The following RIMS2 variants were observed in gnomAD, a reference collection of about 807,000 sequenced individuals.
RIMS2 encodes regulating synaptic membrane exocytosis 2.
RIMS2 carries 59 observed loss-of-function variants against 174.4 expected under a neutral mutation model. That is an observed-to-expected ratio of 0.34 (90% confidence interval 0.27 to 0.42). The LOEUF (loss-of-function observed/expected upper bound fraction) is 0.42. Among genes scored for constraint, RIMS2 ranks in the 10% least tolerant of loss-of-function variants. The pLI is 1.00. For synonymous variants in RIMS2, 606 were observed against 572.5 expected, an observed-to-expected ratio of 1.06 and a Z score of -0.84; for missense variants, 1,620 against 1,666.3, an observed-to-expected ratio of 0.97 and a Z score of 0.48.
chr8:104,211,946 T>A (rs1345944878), intron 19 of RIMS2, among the ~76,000 whole-genome samples: 1 of 152,134 alleles, frequency 6.6e-6, no homozygotes, highest in Admixed American at 6.5e-5. Flanking sequence ...TCGACAGAAT[T>A]TTATGATGAT....
At chr8:103,990,385 G>A (rs954421589) in intron 17 of RIMS2, among the ~76,000 whole-genome samples, 1 of 151,950 alleles carries the variant, frequency 6.6e-6, no homozygotes, top group Non-Finnish European at 1.5e-5. Context: ...ACAAGTATTG[G>A]CTTTTGTGCC....
chr8:103,863,897 T>G (rs1467075848), intron 3 of RIMS2, among the ~76,000 whole-genome samples: 17 of 122,094 alleles, frequency 1.4e-4, no homozygotes, highest in African/African-American at 6.2e-4. Context: ...GTTTTTTTTT[T>G]TGTTTTTTTT....
chr8:104,179,285 A>G (rs1450704200), intron 19 of RIMS2, among the ~76,000 whole-genome samples: 1 of 152,098 alleles, frequency 6.6e-6, no homozygotes, highest in East Asian at 1.9e-4. Flanking sequence ...ATAGTTTGGT[A>G]ATAGCAACTG....
Position 103,666,177 on chromosome 8 carries a change from A to C in RIMS2, c.177-30909A>C, listed in dbSNP as rs547150279. 2.6e-5 allele frequency among the ~76,000 whole-genome samples: 4 copies of C among 152,364 alleles called. No homozygotes were observed. The South Asian group carries it at 8.3e-4, about 32-fold the overall frequency. On this transcript the variant is annotated intron_variant, in intron 1 of 23. Transcript: ENST00000504942. ...TGTACAGAAAATGAAAATGAGGTAC[A>C]GGAATAGCTGGATGTGTTGCAGTTC...
At chr8:103,957,077 G>A (rs1317870860) in intron 14 of RIMS2, among the ~76,000 whole-genome samples, 3 of 152,114 alleles carry the variant, frequency 2.0e-5, no homozygotes, top group Admixed American at 1.3e-4. Context: ...TTAGAATGGC[G>A]ATCATTAAAA....
rs1448093582 is a variant in RIMS2, at chr8:103,559,082, C to G, written c.176+58020C>G. ...TTTTTTTTTTTTGCTCTCTGATCATCCTTATTTGGTCTATTTTGGTATCAA... is the reference window on the plus strand; with the variant it reads ...TTTTTTTTTTTTGCTCTCTGATCATGCTTATTTGGTCTATTTTGGTATCAA... On this transcript the variant is annotated intron_variant, in intron 1 of 23. Coordinates refer to ENST00000504942, the Ensembl canonical transcript of RIMS2. The G allele has an allele frequency of 5.4e-5, 2 of 37,294 alleles. 1 individual carries two copies. Among genetic ancestry groups the G allele is most frequent in the African/African-American group, 2.6e-4 (2 of 7,782 alleles). The allele number at this position is 37,294 out of a possible 1,614,324, so 2.3% of individuals were successfully genotyped here.
intron 1 of RIMS2, 99 bp downstream of exon 1, chr8:103,501,161 T>G: frequency 2.1e-6 from 2 of 947,706 alleles, no homozygotes; most frequent in African/African-American, 1.7e-5. Flanking sequence ...CCGCCCTCCC[T>G]CCCGCTGGCG....
intron 19 of RIMS2, among the ~76,000 whole-genome samples, chr8:104,208,718 A>C (rs1478331376): frequency 6.6e-6 from 1 of 152,220 alleles, no homozygotes. Context: ...GTGGGATAAT[A>C]AAGAAGGAAA....
intron 15 of RIMS2, among the ~76,000 whole-genome samples, chr8:103,966,959 C>A (rs190605871): frequency 2.6e-5 from 4 of 151,732 alleles, no homozygotes; most frequent in Non-Finnish European, 5.9e-5. Flanking sequence ...CTCAGAGCAG[C>A]ATTGTATGTT....
At chr8:103,893,639 C>T (rs988996546) in intron 4 of RIMS2, among the ~76,000 whole-genome samples, 1 of 151,968 alleles carries the variant, frequency 6.6e-6, no homozygotes, top group African/African-American at 2.4e-5. Flanking sequence ...GTTAAAAAAA[C>T]TTAAATATTT....
At chr8:104,041,696 C>G (rs1597606500) in intron 19 of RIMS2, among the ~76,000 whole-genome samples, 1 of 151,586 alleles carries the variant, frequency 6.6e-6, no homozygotes, top group African/African-American at 2.4e-5. Context: ...GCATTTTAGA[C>G]TTAAAACTAG....
At chr8:103,577,709 T>C (rs1261587945) in intron 1 of RIMS2, among the ~76,000 whole-genome samples, 1 of 152,016 alleles carries the variant, frequency 6.6e-6, no homozygotes, top group Non-Finnish European at 1.5e-5. Flanking sequence ...TTTACAAAAA[T>C]GAAAAAACAA....
At chr8:104,153,495 G>T (rs1027987867) in intron 19 of RIMS2, among the ~76,000 whole-genome samples, 1 of 152,056 alleles carries the variant, frequency 6.6e-6, no homozygotes, top group Admixed American at 6.6e-5. Context: ...AGCCTCATAG[G>T]GGAATCAAGA....
intron 3 of RIMS2, among the ~76,000 whole-genome samples, chr8:103,847,916 G>A (rs2098976115): frequency 6.6e-6 from 1 of 152,000 alleles, no homozygotes; most frequent in Admixed American, 6.6e-5. Flanking sequence ...GAGACCAGCA[G>A]ATATCTCAGG....
At chr8:103,793,103 A>G (rs2098516057) in intron 3 of RIMS2, among the ~76,000 whole-genome samples, 1 of 152,214 alleles carries the variant, frequency 6.6e-6, no homozygotes, top group Non-Finnish European at 1.5e-5. Flanking sequence ...TCATTCTGAT[A>G]CCAAAGCCAG....
At chr8:104,035,498 T>C (rs965271239) in intron 19 of RIMS2, among the ~76,000 whole-genome samples, 4 of 151,662 alleles carry the variant, frequency 2.6e-5, no homozygotes, top group Admixed American at 1.3e-4. Context: ...ATAAGTATAG[T>C]GTAGGTAGGT....
chr8:103,601,326 T>C (rs528426984), intron 1 of RIMS2, among the ~76,000 whole-genome samples: 8 of 152,344 alleles, frequency 5.3e-5, no homozygotes, highest in Non-Finnish European at 1.0e-4. Context: ...TCCAATAATG[T>C]TACCTTTGTA....
chr8:104,242,421 C>G (rs1052579673), intron 19 of RIMS2, among the ~76,000 whole-genome samples: 5 of 152,106 alleles, frequency 3.3e-5, no homozygotes, highest in African/African-American at 1.2e-4. Flanking sequence ...CTTAACTTGT[C>G]CTAAAATTAC....
intron 3 of RIMS2, among the ~76,000 whole-genome samples, chr8:103,825,555 A>G (rs552926177): frequency 2.5e-4 from 37 of 150,982 alleles, no homozygotes; most frequent in African/African-American, 8.8e-4. Flanking sequence ...AAGTGCAGGG[A>G]TTACAGACAT....
Sources: allele counts gnomAD v4.1 joint callset (sites outside exome capture counted in the v4.1 genomes callset), GRCh38; gene constraint gnomAD v4.1.1; transcripts MANE v1.5; gene names NCBI Gene and HGNC (gene_info 2026-07-23, HGNC 2026-07-21).